The following VGLL4 variants were observed in gnomAD, a reference collection of about 807,000 sequenced individuals.
The protein encoded by VGLL4 is transcription cofactor vestigial-like protein 4.
Under a neutral mutation model 21.0 loss-of-function variants are expected in VGLL4, and 7 were observed. That is an observed-to-expected ratio of 0.33 (90% CI 0.19 to 0.63). The LOEUF is 0.63. VGLL4 is among the 20% of genes least tolerant of loss of function. The pLI, the probability that VGLL4 is intolerant of heterozygous loss-of-function variation, is 0.78. For missense variants in VGLL4, 394 were observed against 425.7 expected, an observed-to-expected ratio of 0.93 and a Z score of 0.66; for synonymous variants, 222 against 173.2, an observed-to-expected ratio of 1.28 and a Z score of -2.21.
chr3:11,633,373 A>AGAAGGCAGAGGAG (rs2075520498), intron 1 of VGLL4: 1 of 152,386 alleles, frequency 6.6e-6, no homozygotes, highest in Non-Finnish European at 1.5e-5. Flanking sequence ...AATCCCTCCA[A>AGAAGGCAGAGGAG]GAAGGCAGAG....
chr3:11,558,435 A>C lies in VGLL4; in HGVS notation c.*121T>G. 7.9e-6 allele frequency: 11 copies of C among 1,397,376 alleles called. No homozygotes were observed. Among genetic ancestry groups the C allele is most frequent in the East Asian group, 2.5e-5 (1 of 39,490 alleles). 86.6% of individuals were successfully genotyped at this position (1,397,376 alleles called of 1,614,324 possible). A position where few individuals can be genotyped will look rare whatever the true frequency, so the allele number is the denominator to read the frequency against. ...AAATCCCAACAACATGGTTTTTGCA[A>C]ATAAACCATCCCTTCCCTTCCCCCC... On this transcript the variant is annotated 3_prime_UTR_variant, in exon 5 of 5. Coordinates refer to ENST00000430365, the MANE Select transcript of VGLL4 (RefSeq NM_001128219.3).
chr3:11,714,489 G>A (rs563468454), intron 1 of VGLL4, among the ~76,000 whole-genome samples: 1 of 150,892 alleles, frequency 6.6e-6, no homozygotes, highest in East Asian at 2.0e-4. Flanking sequence ...CCAGAGGTTC[G>A]AGTCCAGACT....
intron 2 of VGLL4, among the ~76,000 whole-genome samples, chr3:11,579,146 G>A (rs557034788): frequency 4.4e-4 from 66 of 150,278 alleles, no homozygotes; most frequent in Non-Finnish European, 8.7e-4. Flanking sequence ...CTGCCTCTGA[G>A]CATCCAGGTA....
In VGLL4 at chr3:11,677,876, T is replaced by C. The variant is rs538135086; in HGVS notation, c.64+25095A>G. Among the ~76,000 whole-genome samples the C allele has an allele frequency of 1.6e-3, 215 of 131,014 alleles. 5 individuals carry two copies. Among genetic ancestry groups the C allele is most frequent in the African/African-American group, 6.1e-3 (211 of 34,452 alleles). 86.0% of individuals were successfully genotyped at this position (131,014 alleles called of 152,430 possible). A position where few individuals can be genotyped will look rare whatever the true frequency, so the allele number is the denominator to read the frequency against. On this transcript the variant is annotated intron_variant, in intron 2 of 5. Transcript: ENST00000273038. Reference sequence around the variant, plus strand: ...GCTGAGATCGTGCCACTGTACTCCATCCAGCCTGGCGACAGAGCAAGACTT... The same window carrying C: ...GCTGAGATCGTGCCACTGTACTCCACCCAGCCTGGCGACAGAGCAAGACTT...
intron 2 of VGLL4, among the ~76,000 whole-genome samples, chr3:11,588,619 T>C (rs1409015883): frequency 1.3e-5 from 2 of 152,182 alleles, no homozygotes; most frequent in African/African-American, 2.4e-5. Flanking sequence ...GGGGCTAAAC[T>C]ACAGCCCCAG....
rs1018600561 is a variant in VGLL4 at position 11,568,454 on chromosome 3, G to A, written c.273-3435C>T. The A allele has an allele frequency of 9.0e-7, 1 of 1,112,148 alleles. No individual in the cohort carries two copies. Among genetic ancestry groups the A allele is most frequent in the African/African-American group, 1.6e-5 (1 of 64,278 alleles). The allele number at this position is 1,112,148 out of a possible 1,614,324, so 68.9% of individuals were successfully genotyped here. A position where few individuals can be genotyped will look rare whatever the true frequency, so the allele number is the denominator to read the frequency against. On this transcript the variant is annotated intron_variant, in intron 2 of 4. Transcript: ENST00000430365. The surrounding 1 kb of genome is among the most constrained non-coding windows in gnomAD (Gnocchi z 5.9). ...GCGCCCACCCTACGCAGGGCAGCAG[G>A]GAGAAGGGGACTTCCAGGCCCACTA...
intron 1 of VGLL4, among the ~76,000 whole-genome samples, chr3:11,715,094 C>T (rs1276970856): frequency 3.3e-5 from 5 of 150,188 alleles, no homozygotes; most frequent in Non-Finnish European, 7.4e-5. Context: ...GAGATCGCGC[C>T]GCTGCACTCC....
chr3:11,714,350 T>C (rs942856572), intron 1 of VGLL4, among the ~76,000 whole-genome samples: 3 of 152,166 alleles, frequency 2.0e-5, no homozygotes, highest in African/African-American at 7.2e-5. Flanking sequence ...CTGAACTTTC[T>C]GAGCAGACTA....
At chr3:11,573,189 A>G (rs1012429310) in intron 2 of VGLL4, among the ~76,000 whole-genome samples, 1 of 151,366 alleles carries the variant, frequency 6.6e-6, no homozygotes, top group Non-Finnish European at 1.5e-5. Context: ...AGACAGACAG[A>G]CAGAAAGAAA....
intron 2 of VGLL4, among the ~76,000 whole-genome samples, chr3:11,659,744 C>T (rs1169860718): frequency 6.6e-6 from 1 of 152,238 alleles, no homozygotes; most frequent in African/African-American, 2.4e-5. Flanking sequence ...GCATTCTAAA[C>T]ACAGTACTTC....
chr3:11,605,517 C>A (rs2074920114), intron 1 of VGLL4, among the ~76,000 whole-genome samples: 2 of 151,982 alleles, frequency 1.3e-5, no homozygotes, highest in Admixed American at 1.3e-4. Flanking sequence ...CCACAGAGAA[C>A]TTGTTCTTCC....
At chr3:11,708,684 C>T (rs2076796045) in intron 1 of VGLL4, among the ~76,000 whole-genome samples, 1 of 152,212 alleles carries the variant, frequency 6.6e-6, no homozygotes, top group South Asian at 2.1e-4. Context: ...AATTATGCTG[C>T]ATCTGAAAAA....
At chr3:11,717,490 A>ATTTTTTTTTTTTTTTTTTTTTTTT (rs60921966) in intron 1 of VGLL4, among the ~76,000 whole-genome samples, 1 of 72,940 alleles carries the variant, frequency 1.4e-5, no homozygotes, top group African/African-American at 6.5e-5. Context: ...CCCACTACAG[A>ATTTTTTTTTTTTTTTTTTTTTTTT]TTTTTTTTTT....
Position 11,719,927 on chromosome 3 carries a change from C to A in VGLL4, c.-14+467G>T, listed in dbSNP as rs2076970787. ...GCAGGGCGAGTGGACATGGCGCACACTGCTGTGGACACGGCATCTCGCACG... is the reference window on the plus strand; with the variant it reads ...GCAGGGCGAGTGGACATGGCGCACAATGCTGTGGACACGGCATCTCGCACG... On this transcript the variant is annotated intron_variant, in intron 1 of 5. Transcript: ENST00000273038. The surrounding 1 kb of genome is among the most constrained non-coding windows in gnomAD (Gnocchi z 4.0). Among the ~76,000 whole-genome samples, 1 of 147,524 alleles carries A rather than the reference C, an allele frequency of 6.8e-6. No individual in the cohort carries two copies. Among genetic ancestry groups the A allele is most frequent in the African/African-American group, 2.5e-5 (1 of 39,746 alleles).
At chr3:11,654,267 G>A (rs574798015) in intron 2 of VGLL4, among the ~76,000 whole-genome samples, 19 of 152,290 alleles carry the variant, frequency 1.2e-4, no homozygotes, top group African/African-American at 3.6e-4. Flanking sequence ...TAGAGTTGAG[G>A]GGATAGAAAG....
chr3:11,643,961 C>A, upstream of VGLL4: 1 of 993,218 alleles, frequency 1.0e-6, no homozygotes, highest in South Asian at 4.5e-5. Flanking sequence ...CCGCAGGAGG[C>A]CGAGCATGCT....
intron 2 of VGLL4, among the ~76,000 whole-genome samples, chr3:11,600,093 G>T (rs2074755059): frequency 6.6e-6 from 1 of 152,010 alleles, no homozygotes; most frequent in Non-Finnish European, 1.5e-5. Flanking sequence ...TCTGAACAAT[G>T]GAATAAAAAT....
At chr3:11,715,092 G>A (rs1043351989) in intron 1 of VGLL4, among the ~76,000 whole-genome samples, 9 of 149,048 alleles carry the variant, frequency 6.0e-5, no homozygotes, top group South Asian at 2.1e-4. Context: ...CCGAGATCGC[G>A]CCGCTGCACT....
At chr3:11,581,728 C>T (rs2074233487) in intron 2 of VGLL4, among the ~76,000 whole-genome samples, 2 of 152,220 alleles carry the variant, frequency 1.3e-5, no homozygotes, top group Admixed American at 1.3e-4. Context: ...TGAGGTCAAA[C>T]CCTCCAGACT....
Sources: allele counts gnomAD v4.1 joint callset (sites outside exome capture counted in the v4.1 genomes callset), GRCh38; gene constraint gnomAD v4.1.1; non-coding constraint Gnocchi (gnomAD v3.1); transcripts MANE v1.5; gene names NCBI Gene and HGNC (gene_info 2026-07-23, HGNC 2026-07-21).